Variants in SPEF2 observed in about 807,000 individuals in gnomAD.
SPEF2 encodes sperm flagella and cilia-associated protein 2.
Under a neutral mutation model 224.6 loss-of-function variants are expected in SPEF2, and 187 were observed. That is an observed-to-expected ratio of 0.83 (90% CI 0.74 to 0.94). The LOEUF (loss-of-function observed/expected upper bound fraction) is 0.94. SPEF2 is among the 40% of genes least tolerant of loss of function. SPEF2 has a pLI of 0.00. For synonymous variants in SPEF2, 715 were observed against 707.3 expected (o/e 1.01, Z -0.17); for missense variants, 2,170 against 2,135.6 (o/e 1.02, Z -0.32).
chr5:35,726,030 A>G (rs1455493524), intron 20 of SPEF2, among the ~76,000 whole-genome samples: 1 of 152,226 alleles, frequency 6.6e-6, no homozygotes, highest in Non-Finnish European at 1.5e-5. Context: ...CATGGATGGT[A>G]CTTAAAAAGT....
intron 1 of SPEF2, among the ~76,000 whole-genome samples, chr5:35,620,151 C>G (rs947496465): frequency 1.3e-5 from 2 of 152,184 alleles, no homozygotes; most frequent in African/African-American, 4.8e-5. Flanking sequence ...TGTAAGCCAA[C>G]AAGCTAGGAT....
intron 2 of SPEF2, 84 bp downstream of exon 2, chr5:35,628,646 C>A: frequency 1.1e-6 from 1 of 931,446 alleles, no homozygotes. Context: ...GACTGGAGTG[C>A]AGTAGCGTGA....
chr5:35,641,720 T>G, intron 3 of SPEF2, 37 bp downstream of exon 3: 1 of 1,576,058 alleles, frequency 6.3e-7, no homozygotes, highest in Non-Finnish European at 8.6e-7. Flanking sequence ...CATGTCACAG[T>G]GTAAAATTTG....
At chr5:35,641,748 T>G in intron 3 of SPEF2, 65 bp downstream of exon 3, 1 of 1,521,602 alleles carries the variant, frequency 6.6e-7, no homozygotes, top group South Asian at 1.3e-5. Context: ...GAAATGACAA[T>G]GATATTGAAT....
chr5:35,766,498 C>T (rs932026526), intron 26 of SPEF2, among the ~76,000 whole-genome samples: 1 of 151,938 alleles, frequency 6.6e-6, no homozygotes, highest in African/African-American at 2.4e-5. Flanking sequence ...GTCTATGTGA[C>T]GTCCACTTTG....
At chr5:35,739,449 C>T (rs1370908255) in intron 21 of SPEF2, among the ~76,000 whole-genome samples, 3 of 152,156 alleles carry the variant, frequency 2.0e-5, no homozygotes, top group Non-Finnish European at 4.4e-5. Context: ...ACAGCATGAT[C>T]CTGGCTCAGT....
rs1382263405 is a variant in SPEF2 at position 35,795,616 on chromosome 5, C to A, written c.4738-87C>A. On this transcript the variant is annotated intron_variant, in intron 32 of 36. Transcript: ENST00000356031. ...ACTTGGGAGACAACTGCTCTAGAGA[C>A]AAGATTGGCTCAGTCTCTGTGGCTT... 7.8e-6 allele frequency: 9 copies of A among 1,153,326 alleles called. No individual in the cohort carries two copies. The East Asian group carries it at 1.7e-4, about 22-fold the overall frequency. 71.4% of individuals were successfully genotyped at this position (1,153,326 alleles called of 1,614,324 possible).
intron 23 of SPEF2, among the ~76,000 whole-genome samples, chr5:35,749,560 C>T (rs1016962073): frequency 6.6e-6 from 1 of 151,974 alleles, no homozygotes; most frequent in Non-Finnish European, 1.5e-5. Context: ...ACACCAACAT[C>T]GACCAAGCAG....
chr5:35,633,384 A>C (rs1580051231), intron 2 of SPEF2, among the ~76,000 whole-genome samples: 1 of 152,192 alleles, frequency 6.6e-6, no homozygotes, highest in African/African-American at 2.4e-5. Context: ...ACAATATAAA[A>C]TATTCTTATT....
chr5:35,666,566 G>A (rs12514149), intron 8 of SPEF2, among the ~76,000 whole-genome samples: 8,197 of 152,252 alleles, frequency 0.054, 253 homozygotes, highest in African/African-American at 0.062. Flanking sequence ...TCTCAAGCCA[G>A]TATAATCTGG....
At chr5:35,748,588 T>G (rs1256821698) in intron 23 of SPEF2, among the ~76,000 whole-genome samples, 1 of 152,134 alleles carries the variant, frequency 6.6e-6, no homozygotes, top group Non-Finnish European at 1.5e-5. Context: ...TTGGATATAT[T>G]CCTGGAAAAA....
chr5:35,772,822 T>A (rs1753059744), intron 27 of SPEF2, among the ~76,000 whole-genome samples: 1 of 152,204 alleles, frequency 6.6e-6, no homozygotes, highest in Non-Finnish European at 1.5e-5. Flanking sequence ...CTCCTTCATC[T>A]GTAACTTACA....
intron 20 of SPEF2, 142 bp downstream of exon 20, chr5:35,713,028 A>G (rs955917034): frequency 1.3e-6 from 1 of 766,670 alleles, no homozygotes; most frequent in Non-Finnish European, 2.0e-6. Flanking sequence ...GCCAAAGAAT[A>G]TAGTCGCAAA....
chr5:35,805,055 T>C (rs1324443222), intron 34 of SPEF2, among the ~76,000 whole-genome samples: 1 of 152,208 alleles, frequency 6.6e-6, no homozygotes, highest in African/African-American at 2.4e-5. Flanking sequence ...CCAAGATTCC[T>C]GGGTGGAAAT....
intron 16 of SPEF2, among the ~76,000 whole-genome samples, chr5:35,701,457 A>T (rs1738623529): frequency 6.6e-6 from 1 of 152,170 alleles, no homozygotes; most frequent in Non-Finnish European, 1.5e-5. Flanking sequence ...TTAGGACAGA[A>T]TCTGGCACAT....
rs758828579 is a variant in SPEF2, at chr5:35,634,939, G to A, written c.161+6377G>A. The stretch of plus-strand genomic sequence containing the variant: ...GGGATCCCATCAAGCATATCATATT[G>A]TATCTCCTTAGGCTCTTCTTGAATG... On this transcript the variant is annotated intron_variant, in intron 2 of 36. Transcript: ENST00000356031. 2.0e-4 allele frequency among the ~76,000 whole-genome samples: 31 copies of A among 151,536 alleles called. 1 individual carries two copies. The highest frequency in any genetic ancestry group is 3.8e-4 in the Non-Finnish European group (26 of 67,858).
intron 33 of SPEF2, among the ~76,000 whole-genome samples, chr5:35,796,326 G>T (rs1012307921): frequency 6.6e-6 from 1 of 152,064 alleles, no homozygotes; most frequent in Admixed American, 6.5e-5. Context: ...ATCTCAATGC[G>T]GCCGGGCGCG....
At chr5:35,804,741 T>C (rs2149867232) in intron 34 of SPEF2, among the ~76,000 whole-genome samples, 1 of 152,344 alleles carries the variant, frequency 6.6e-6, no homozygotes, top group African/African-American at 2.4e-5. Context: ...TATTCCATTA[T>C]GCTTACATCA....
At chr5:35,682,579 A>T (rs1752989412) in intron 10 of SPEF2, among the ~76,000 whole-genome samples, 1 of 152,120 alleles carries the variant, frequency 6.6e-6, no homozygotes, top group African/African-American at 2.4e-5. Context: ...ATCCATGAAG[A>T]CAAACACTGG....
Sources: gnomAD v4.1 joint callset for allele counts (sites outside exome capture counted in the v4.1 genomes callset) on GRCh38, gnomAD v4.1.1 for gene constraint, MANE v1.5 for transcripts, NCBI Gene and HGNC (gene_info 2026-07-23, HGNC 2026-07-21) for gene names.